Variants in DST observed in about 807,000 individuals in gnomAD.
DST encodes dystonin.
In DST, 253 loss-of-function variants were observed where a neutral mutation model predicts 875.2. That is an observed-to-expected ratio of 0.29 (90% CI 0.26 to 0.32). DST has a LOEUF of 0.32. Ranked by LOEUF, DST falls within the 10% of genes least tolerant of loss-of-function variation. The pLI is 1.00. For missense variants in DST, 8,287 were observed against 9,111.6 expected (o/e 0.91, Z 3.68); for synonymous variants, 3,124 against 3,197.1 (o/e 0.98, Z 0.77).
intron 5 of DST, among the ~76,000 whole-genome samples, chr6:56,719,775 C>T (rs532722187): frequency 2.6e-4 from 40 of 152,096 alleles, no homozygotes; most frequent in Non-Finnish European, 3.5e-4. Flanking sequence ...CATCACATGT[C>T]GGTAGGTTCC....
Position 56,529,733 on chromosome 6 carries a change from G to T in DST, c.17310C>A (p.His5770Gln), listed in dbSNP as rs751772852. 8 of 1,607,226 alleles carry T rather than the reference G, an allele frequency of 5.0e-6. No homozygotes were observed. The South Asian group carries it at 6.7e-5, about 13-fold the overall frequency. The stretch of plus-strand genomic sequence containing the variant: ...AGGACTGGCCAATGCTAACAGCCTG[G>T]TGTAAATGTTTATTGTGATTGATGA... The part of the protein sequence containing the change: ...DDIINHNKHL[H>Q]QAVSIGQSLK... Residue 5770 changes from histidine (H) to glutamine (Q), a missense_variant, in exon 66 of 104, where the codon CAC becomes CAA. His to Gln is a conservative substitution (Grantham distance 24). Transcript: ENST00000680361.
chr6:56,830,758 A>G (rs1014125486), intron 4 of DST, among the ~76,000 whole-genome samples: 4 of 152,244 alleles, frequency 2.6e-5, no homozygotes, highest in Non-Finnish European at 5.9e-5. Flanking sequence ...AAGGTAAGCC[A>G]TACTTCTTCC....
chr6:56,460,621 A>G (rs2094280411), intron 102 of DST: 1 of 160,954 alleles, frequency 6.2e-6, no homozygotes, highest in Admixed American at 6.2e-5. Flanking sequence ...TGCTAAAAAG[A>G]TGGTGACTGC....
At chr6:56,851,221 C>T in intron 4 of DST, 176 bp downstream of exon 4, 1 of 634,714 alleles carries the variant, frequency 1.6e-6, no homozygotes, top group Non-Finnish European at 2.7e-6. Flanking sequence ...GCAGGCAGGG[C>T]AAATGGCTCT....
rs146715306 is a variant in DST at position 56,933,941 on chromosome 6, GC to G, written c.216+19843del. On this transcript the variant is annotated intron_variant, in intron 2 of 103. Transcript: ENST00000680361. ...CAAAGCCAAGGAAACCAGATAACAG[GC>G]TTTTGTAAGAGCCAATTCCTACATT... 9.2e-3 allele frequency among the ~76,000 whole-genome samples: 1,397 copies of G among 152,212 alleles called. 22 individuals are homozygous for G. Among genetic ancestry groups the G allele is most frequent in the African/African-American group, 0.032 (1,313 of 41,546 alleles).
At chr6:56,647,864 TTA>T (rs1227567041) in intron 13 of DST, among the ~76,000 whole-genome samples, 4 of 152,006 alleles carry the variant, frequency 2.6e-5, no homozygotes, top group Non-Finnish European at 5.9e-5. Context: ...TTTTGTATTT[TTA>T]ATAGAGATGG....
intron 4 of DST, among the ~76,000 whole-genome samples, chr6:56,827,558 TA>T: frequency 6.7e-6 from 1 of 149,498 alleles, no homozygotes; most frequent in Non-Finnish European, 1.5e-5. Flanking sequence ...ATTATCAATG[TA>T]AAACATATAT....
At chr6:56,774,029 G>A (rs1469412685) in intron 4 of DST, among the ~76,000 whole-genome samples, 2 of 150,142 alleles carry the variant, frequency 1.3e-5, no homozygotes, top group Non-Finnish European at 2.9e-5. Context: ...CAGGAGAATC[G>A]CTTGAACCCA....
chr6:56,697,697 C>G (rs13196211), intron 9 of DST, among the ~76,000 whole-genome samples: 3 of 152,110 alleles, frequency 2.0e-5, no homozygotes, highest in Non-Finnish European at 2.9e-5. Flanking sequence ...CTTCGTCTAA[C>G]ATTCAAAATT....
chr6:56,839,809 T>C (rs1007471887), intron 4 of DST, among the ~76,000 whole-genome samples: 1 of 152,146 alleles, frequency 6.6e-6, no homozygotes, highest in South Asian at 2.1e-4. Context: ...GAGAAGAAAC[T>C]AAAGCAATTA....
chr6:56,592,530 TA>T (rs1456374440), intron 48 of DST, among the ~76,000 whole-genome samples, 172 bp from the exon 49 acceptor site: 5 of 152,184 alleles, frequency 3.3e-5, no homozygotes, highest in Admixed American at 3.3e-4. Flanking sequence ...AGAGGTACCC[TA>T]TAAGAAGCCA....
chr6:56,492,134 C>A, intron 85 of DST, 93 bp downstream of exon 85: 2 of 1,132,078 alleles, frequency 1.8e-6, no homozygotes, highest in Non-Finnish European at 1.3e-6. Flanking sequence ...ATGCCTAATA[C>A]AGCCTGTGAT....
intron 4 of DST, among the ~76,000 whole-genome samples, chr6:56,736,445 T>C (rs2099524291): frequency 6.6e-6 from 1 of 152,196 alleles, no homozygotes; most frequent in Admixed American, 6.5e-5. Flanking sequence ...ATCTTCTTCC[T>C]CCCTACTTCT....
chr6:56,678,512 T>C (rs1353404417), intron 9 of DST, among the ~76,000 whole-genome samples: 2 of 152,184 alleles, frequency 1.3e-5, no homozygotes, highest in South Asian at 4.1e-4. Context: ...AAAAGATAGA[T>C]TAACTAGAGA....
chr6:56,536,956 T>C lies in DST; in HGVS notation c.16609-16A>G, dbSNP rs781760935. 6 of 1,610,322 alleles carry C rather than the reference T, an allele frequency of 3.7e-6. No homozygotes were observed. Among genetic ancestry groups the C allele is most frequent in the Admixed American group, 3.3e-5 (2 of 59,886 alleles). On this transcript the variant is annotated splice_polypyrimidine_tract_variant and intron_variant, in intron 61 of 103. Coordinates refer to ENST00000680361, the MANE Select transcript of DST (RefSeq NM_001374736.1). ...TCTGGAATACCTGCAGTTAAAAGAGTAATAATTATATGAGTTATATTACCT... is the reference window on the plus strand; with the variant it reads ...TCTGGAATACCTGCAGTTAAAAGAGCAATAATTATATGAGTTATATTACCT...
chr6:56,785,645 A>T (rs566581358), intron 4 of DST: 1 of 151,036 alleles, frequency 6.6e-6, no homozygotes, highest in South Asian at 2.1e-4. Flanking sequence ...AAGGGAACTA[A>T]CTCCCCGACC....
intron 5 of DST, among the ~76,000 whole-genome samples, chr6:56,717,754 T>C (rs1404621532): frequency 6.6e-6 from 1 of 151,516 alleles, no homozygotes; most frequent in African/African-American, 2.4e-5. Flanking sequence ...AGCCCTATGA[T>C]AGCACTCTCA....
intron 90 of DST, among the ~76,000 whole-genome samples, chr6:56,479,129 C>G (rs1349702287): frequency 6.6e-6 from 1 of 152,054 alleles, no homozygotes; most frequent in Non-Finnish European, 1.5e-5. Context: ...AGACATTTCT[C>G]AAAAGAAGAA....
At chr6:56,696,321 C>T (rs1204151168) in intron 9 of DST, among the ~76,000 whole-genome samples, 1 of 152,134 alleles carries the variant, frequency 6.6e-6, no homozygotes, top group Non-Finnish European at 1.5e-5. Flanking sequence ...TGCCACAACG[C>T]CCGGCGAATT....
Sources: allele counts gnomAD v4.1 joint callset (sites outside exome capture counted in the v4.1 genomes callset), GRCh38; gene constraint gnomAD v4.1.1; transcripts MANE v1.5; gene names NCBI Gene and HGNC (gene_info 2026-07-23, HGNC 2026-07-21).